PRR16: variants seen among roughly 807,000 people sequenced by gnomAD.
PRR16 encodes the protein protein Largen.
PRR16 carries 6 observed loss-of-function variants against 18.2 expected under a neutral mutation model. That is an observed-to-expected ratio of 0.33 (90% confidence interval 0.18 to 0.65). The LOEUF (loss-of-function observed/expected upper bound fraction) is 0.65, where lower values mean the gene tolerates loss of function less well. Ranked by LOEUF, PRR16 falls within the 30% of genes least tolerant of loss-of-function variation. The pLI is 0.74. For missense variants in PRR16, 412 were observed against 376.6 expected (o/e 1.09, Z -0.78); for synonymous variants, 151 against 147.8 (o/e 1.02, Z -0.16).
chr5:120,650,141 C>T (rs188772151), intron 1 of PRR16, among the ~76,000 whole-genome samples: 7 of 151,458 alleles, frequency 4.6e-5, no homozygotes, highest in Non-Finnish European at 8.8e-5. Flanking sequence ...TTGCTTGAAC[C>T]CGGAAGTGGA....
intron 1 of PRR16, among the ~76,000 whole-genome samples, chr5:120,652,667 T>C (rs945913488): frequency 2.0e-5 from 3 of 151,866 alleles, no homozygotes; most frequent in Non-Finnish European, 2.9e-5. Context: ...GCTAAGGTCA[T>C]GAAAAACAAG....
the PRR16 span, among the ~76,000 whole-genome samples, chr5:120,764,448 G>T: frequency 3.4e-3 from 518 of 151,186 alleles, 5 homozygotes; most frequent in African/African-American, 0.012. Flanking sequence ...TGTGCTCTTG[G>T]GTTTACTTTG....
rs576559397 is a variant in PRR16, at chr5:120,608,647, T to C, written c.160-77307T>C. Among the ~76,000 whole-genome samples the C allele has an allele frequency of 9.8e-4, 149 of 152,332 alleles. 2 individuals carry two copies. The Middle Eastern group carries it at 0.014, about 14-fold the overall frequency. On this transcript the variant is annotated intron_variant, in intron 1 of 1. Transcript: ENST00000407149. The stretch of plus-strand genomic sequence containing the variant: ...AATCTATTCATAACAGGAATTTTTC[T>C]ATTAGGCTAGATTTTTTTCTAACTT...
At chr5:120,523,507 A>C (rs12516217) in intron 1 of PRR16, among the ~76,000 whole-genome samples, 62,447 of 151,998 alleles carry the variant, frequency 0.41, 14,401 homozygotes, top group African/African-American at 0.63. Flanking sequence ...TGTCCATGTC[A>C]ATGAATATGG....
At chr5:120,584,527 C>A (rs1404303) in intron 1 of PRR16, among the ~76,000 whole-genome samples, 32,284 of 152,028 alleles carry the variant, frequency 0.21, 3,894 homozygotes, top group Middle Eastern at 0.35. Flanking sequence ...TTTATGAATG[C>A]TATTTGAAAT....
chr5:120,666,563 T>G (rs1580854147), intron 1 of PRR16, among the ~76,000 whole-genome samples: 2 of 152,070 alleles, frequency 1.3e-5, no homozygotes, highest in East Asian at 3.9e-4. Context: ...GCTTCCAGTT[T>G]TTGCCCATTC....
the PRR16 span, among the ~76,000 whole-genome samples, chr5:120,720,958 T>A: frequency 6.6e-6 from 1 of 152,190 alleles, no homozygotes; most frequent in East Asian, 1.9e-4. Flanking sequence ...CTTTCAATGG[T>A]AATTAATGCA....
chr5:120,557,939 G>T (rs1752467493), intron 1 of PRR16, among the ~76,000 whole-genome samples: 1 of 151,778 alleles, frequency 6.6e-6, no homozygotes, highest in East Asian at 1.9e-4. Context: ...TTAAGGTTTA[G>T]ATTTAATAGC....
the PRR16 span, among the ~76,000 whole-genome samples, chr5:120,768,397 T>C: frequency 7.0e-6 from 1 of 143,538 alleles, no homozygotes; most frequent in Non-Finnish European, 1.6e-5. Context: ...CTCTATAGTA[T>C]TTTAAGCAAT....
the PRR16 span, among the ~76,000 whole-genome samples, chr5:120,753,817 T>C: frequency 7.2e-6 from 1 of 139,684 alleles, no homozygotes; most frequent in African/African-American, 2.6e-5. Flanking sequence ...AGTTTTATTA[T>C]ATATTTATAT....
downstream of PRR16, among the ~76,000 whole-genome samples, chr5:120,690,625 A>G (rs1757197761): frequency 6.6e-6 from 1 of 152,204 alleles, no homozygotes; most frequent in South Asian, 2.1e-4. Context: ...ACAAAATCAC[A>G]TCACCTTTTC....
At chr5:120,724,482 C>T in the PRR16 span, among the ~76,000 whole-genome samples, 2 of 152,100 alleles carry the variant, frequency 1.3e-5, no homozygotes, top group South Asian at 4.1e-4. Context: ...TAGAATAGTG[C>T]CTGGAACATT....
chr5:120,521,620 C>G (rs1235846860), intron 1 of PRR16, among the ~76,000 whole-genome samples: 1 of 152,094 alleles, frequency 6.6e-6, no homozygotes, highest in Non-Finnish European at 1.5e-5. Flanking sequence ...ATATGTATCA[C>G]TTTAAACATT....
At chr5:120,628,521 A>T (rs966128201) in intron 1 of PRR16, among the ~76,000 whole-genome samples, 1 of 152,076 alleles carries the variant, frequency 6.6e-6, no homozygotes, top group Non-Finnish European at 1.5e-5. Flanking sequence ...TTTTTCTCCC[A>T]TACGGTGATA....
At chr5:120,535,882 G>A (rs946854184) in intron 1 of PRR16, among the ~76,000 whole-genome samples, 2 of 152,102 alleles carry the variant, frequency 1.3e-5, no homozygotes, top group African/African-American at 2.4e-5. Flanking sequence ...ACAAGAGGAT[G>A]TCTTGAGCCC....
chr5:120,704,767 A>T, the PRR16 span, among the ~76,000 whole-genome samples: 1 of 152,156 alleles, frequency 6.6e-6, no homozygotes, highest in Non-Finnish European at 1.5e-5. Context: ...ACAATAATTA[A>T]ATAATACAAT....
chr5:120,719,891 C>A, the PRR16 span, among the ~76,000 whole-genome samples: 1 of 151,702 alleles, frequency 6.6e-6, no homozygotes, highest in Non-Finnish European at 1.5e-5. Flanking sequence ...ATTTGAAATC[C>A]CAGAAAATTG....
chr5:120,744,267 C>T, the PRR16 span, among the ~76,000 whole-genome samples: 1 of 152,122 alleles, frequency 6.6e-6, no homozygotes, highest in African/African-American at 2.4e-5. Flanking sequence ...GAACTTCAAA[C>T]AAGACTGTAG....
the PRR16 span, among the ~76,000 whole-genome samples, chr5:120,723,351 A>G: frequency 1.3e-5 from 2 of 151,954 alleles, no homozygotes; most frequent in Non-Finnish European, 2.9e-5. Flanking sequence ...AAAACGTAAA[A>G]CCACATTCAT....
Sources: allele counts gnomAD v4.1 joint callset (sites outside exome capture counted in the v4.1 genomes callset), GRCh38; gene constraint gnomAD v4.1.1; transcripts MANE v1.5; gene names NCBI Gene and HGNC (gene_info 2026-07-23, HGNC 2026-07-21).